The following RBFOX1 variants were observed in gnomAD, a reference collection of about 807,000 sequenced individuals.
RBFOX1 encodes RNA binding fox-1 homolog 1.
Under a neutral mutation model 57.7 loss-of-function variants are expected in RBFOX1, and 8 were observed. The observed-to-expected ratio is 0.14, with a 90% CI of 0.08 to 0.25. RBFOX1 has a LOEUF of 0.25. Among genes scored for constraint, RBFOX1 ranks in the 10% least tolerant of loss-of-function variants. The pLI is 1.00. For synonymous variants in RBFOX1, 326 were observed against 222.4 expected (o/e 1.47, Z -4.15); for missense variants, 611 against 548.5 (o/e 1.11, Z -1.14).
intron 4 of RBFOX1, among the ~76,000 whole-genome samples, chr16:7,365,983 C>G (rs1444041317): frequency 6.6e-6 from 1 of 152,158 alleles, no homozygotes; most frequent in Non-Finnish European, 1.5e-5. Context: ...GGTGAGAAGA[C>G]TCATCCTGTG....
chr16:6,259,323 C>G (rs900033254), intron 1 of RBFOX1, among the ~76,000 whole-genome samples: 1 of 152,118 alleles, frequency 6.6e-6, no homozygotes, highest in Non-Finnish European at 1.5e-5. Context: ...CTCCTCTCCT[C>G]TCTAGCCGTT....
At chr16:6,879,593 A>C (rs1022839003) in intron 3 of RBFOX1, among the ~76,000 whole-genome samples, 3 of 152,238 alleles carry the variant, frequency 2.0e-5, no homozygotes, top group African/African-American at 4.8e-5. Context: ...TTTTAAAGCC[A>C]GTATCATCCA....
rs377607803 is a variant in RBFOX1 at position 7,444,665 on chromosome 16, T to G, written c.28-73482T>G. 2.6e-4 allele frequency among the ~76,000 whole-genome samples: 39 copies of G among 152,184 alleles called. 1 individual carries two copies. The East Asian group carries it at 4.3e-3, about 17-fold the overall frequency. The stretch of plus-strand genomic sequence containing the variant: ...CTTCTACCTTTGTCTCCCAAGTAGC[T>G]GTACCATAGGTGCACACCACCACAC... On this transcript the variant is annotated intron_variant, in intron 4 of 15. Coordinates refer to ENST00000550418, the MANE Select transcript of RBFOX1 (RefSeq NM_018723.4).
intron 4 of RBFOX1, 71 bp downstream of exon 4, chr16:7,052,169 C>T (rs1311370277): frequency 4.5e-6 from 7 of 1,556,030 alleles, no homozygotes; most frequent in African/African-American, 1.4e-5. Context: ...TTCCTTGTCT[C>T]TCCCAAGACA....
At chr16:7,201,021 G>A (rs564011934) in intron 4 of RBFOX1, among the ~76,000 whole-genome samples, 116 of 152,300 alleles carry the variant, frequency 7.6e-4, no homozygotes, top group African/African-American at 2.4e-3. Flanking sequence ...ATTATTTGGG[G>A]ACTCTCTAAA....
Position 6,923,457 on chromosome 16 carries a change from C to T in RBFOX1, c.-15-128600C>T, listed in dbSNP as rs551071629. Among the ~76,000 whole-genome samples, 201 of 152,178 alleles carry T rather than the reference C, an allele frequency of 1.3e-3. 1 individual carries two copies. The highest frequency in any genetic ancestry group is 4.4e-3 in the African/African-American group (184 of 41,548). ...CTGAGGAAGGAGAGTTGCTGGAAAC[C>T]GGGAGGTGGAGGAGGCAGTGAGCCA... On this transcript the variant is annotated intron_variant, in intron 3 of 15. Transcript: ENST00000550418.
intron 2 of RBFOX1, among the ~76,000 whole-genome samples, chr16:6,429,573 C>A (rs2094020210): frequency 6.6e-6 from 1 of 152,152 alleles, no homozygotes; most frequent in Non-Finnish European, 1.5e-5. Context: ...GCTGTGTCCC[C>A]ACCCAAATCT....
chr16:6,518,305 A>G (rs2096420798), intron 2 of RBFOX1, among the ~76,000 whole-genome samples: 1 of 152,122 alleles, frequency 6.6e-6, no homozygotes, highest in Admixed American at 6.5e-5. Flanking sequence ...GGAGGGGAAA[A>G]AATTATTGCA....
intron 2 of RBFOX1, among the ~76,000 whole-genome samples, chr16:5,506,548 C>T (rs1365702210): frequency 1.3e-5 from 2 of 152,216 alleles, no homozygotes; most frequent in African/African-American, 2.4e-5. Flanking sequence ...GCTGCCCACA[C>T]ACTGCTCTGG....
At chr16:7,170,568 T>G (rs565016222) in intron 4 of RBFOX1, among the ~76,000 whole-genome samples, 4 of 152,222 alleles carry the variant, frequency 2.6e-5, no homozygotes, top group African/African-American at 7.2e-5. Flanking sequence ...TTTAGCACTT[T>G]CCATGTGAGA....
intron 1 of RBFOX1, among the ~76,000 whole-genome samples, chr16:5,363,416 C>G (rs1265287551): frequency 1.3e-5 from 2 of 152,296 alleles, no homozygotes; most frequent in South Asian, 2.1e-4. Context: ...TTTGAGGAAA[C>G]TGCATACTAT....
chr16:7,042,314 T>A (rs2046429014), intron 3 of RBFOX1, among the ~76,000 whole-genome samples: 1 of 152,060 alleles, frequency 6.6e-6, no homozygotes, highest in African/African-American at 2.4e-5. Context: ...ATCCATGGTT[T>A]TGTTTGGTTT....
chr16:7,691,542 C>T (rs8057007), intron 14 of RBFOX1, among the ~76,000 whole-genome samples: 43,888 of 151,928 alleles, frequency 0.29, 7,262 homozygotes, highest in Middle Eastern at 0.4. Flanking sequence ...AAAAAGAATA[C>T]TTTCAAGGAC....
intron 2 of RBFOX1, among the ~76,000 whole-genome samples, chr16:5,530,244 G>T (rs1430720280): frequency 6.6e-6 from 1 of 152,192 alleles, no homozygotes; most frequent in East Asian, 1.9e-4. Flanking sequence ...TGATAATGGT[G>T]AGGACGGCTG....
intron 4 of RBFOX1, among the ~76,000 whole-genome samples, chr16:7,141,686 A>C (rs2073829397): frequency 6.6e-6 from 1 of 152,114 alleles, no homozygotes; most frequent in Non-Finnish European, 1.5e-5. Context: ...GGGATGAGCT[A>C]CTATAGTCTT....
intron 1 of RBFOX1, among the ~76,000 whole-genome samples, chr16:5,289,913 C>G (rs895290363): frequency 6.6e-6 from 1 of 152,338 alleles, no homozygotes; most frequent in Middle Eastern, 3.4e-3. Context: ...ATGCAGAAAG[C>G]TGCACACAAA....
intron 3 of RBFOX1, among the ~76,000 whole-genome samples, chr16:7,000,467 A>C (rs76078275): frequency 6.6e-6 from 1 of 151,858 alleles, no homozygotes; most frequent in South Asian, 2.1e-4. Flanking sequence ...TGCTAATTGC[A>C]TTCTTTCTTC....
intron 2 of RBFOX1, among the ~76,000 whole-genome samples, chr16:6,472,759 A>T (rs2095207144): frequency 6.6e-6 from 1 of 151,190 alleles, no homozygotes; most frequent in Non-Finnish European, 1.5e-5. Flanking sequence ...AGTAGTTGGG[A>T]TTACAGGCGT....
At chr16:7,651,505 C>T (rs2065056562) in intron 11 of RBFOX1, among the ~76,000 whole-genome samples, 1 of 152,168 alleles carries the variant, frequency 6.6e-6, no homozygotes, top group African/African-American at 2.4e-5. Flanking sequence ...AATTCTTTTG[C>T]CTTTTGCTCC....
Sources: allele counts gnomAD v4.1 joint callset (sites outside exome capture counted in the v4.1 genomes callset), GRCh38; gene constraint gnomAD v4.1.1; transcripts MANE v1.5; gene names NCBI Gene and HGNC (gene_info 2026-07-23, HGNC 2026-07-21).